The following SEZ6L variants were observed in gnomAD, a reference collection of about 807,000 sequenced individuals.
SEZ6L encodes seizure 6-like protein.
In SEZ6L, 37 loss-of-function variants were observed where a neutral mutation model predicts 106.2. The ratio of observed to expected loss-of-function variants is 0.35; its 90% CI spans 0.27 to 0.46. SEZ6L has a LOEUF of 0.46. SEZ6L is among the 20% of genes least tolerant of loss of function. The probability of loss-of-function intolerance (pLI) is 1.00; values close to 1 mark genes in which losing one functional copy is unlikely to be tolerated. For synonymous variants in SEZ6L, 541 were observed against 570.4 expected, an observed-to-expected ratio of 0.95 and a Z score of 0.73; for missense variants, 1,172 against 1,332.8, an observed-to-expected ratio of 0.88 and a Z score of 1.88.
At chr22:26,327,375 A>T (rs2082344583) in intron 9 of SEZ6L, among the ~76,000 whole-genome samples, 1 of 145,348 alleles carries the variant, frequency 6.9e-6, no homozygotes, top group African/African-American at 2.6e-5. Flanking sequence ...ACACCACATG[A>T]CACTACACAC....
At chr22:26,304,430 A>AAGAAAGAAAGAAAAAG (rs769423765) in intron 5 of SEZ6L, among the ~76,000 whole-genome samples, 19 of 148,558 alleles carry the variant, frequency 1.3e-4, no homozygotes, top group African/African-American at 4.5e-4. Context: ...GAAAGAAAGA[A>AAGAAAGAAAGAAAAAG]AAAGAAAGGA....
intron 1 of SEZ6L, among the ~76,000 whole-genome samples, chr22:26,233,514 A>G (rs2078864667): frequency 6.6e-6 from 1 of 152,198 alleles, no homozygotes; most frequent in Non-Finnish European, 1.5e-5. Flanking sequence ...AGGGAAGTCT[A>G]TTACGCTCAT....
At chr22:26,375,410 C>T (rs555969074) in intron 14 of SEZ6L, among the ~76,000 whole-genome samples, 165 bp from the exon 15 acceptor site, 1 of 152,226 alleles carries the variant, frequency 6.6e-6, no homozygotes, top group East Asian at 1.9e-4. Flanking sequence ...AAAGGACCAC[C>T]ACCATTTCCT....
Position 26,292,552 on chromosome 22 carries a change from G to A in SEZ6L, c.241G>A (p.Gly81Ser). ...PSSSQSAEVL[G>S]ELVLDGTAPS... ...TTCCTCACAGTCGGCGGAAGTGCTG[G>A]GCGAGCTGGTGCTGGATGGGACCGC... Residue 81 changes from glycine (G) to serine (S), a missense_variant, in exon 2 of 17, where the codon GGC becomes AGC. Physicochemically the swap from Gly to Ser is moderately conservative, Grantham distance 56. Transcript: ENST00000248933. The A allele has an allele frequency of 6.2e-7, 1 of 1,613,856 alleles. No individual in the cohort carries two copies.
intron 1 of SEZ6L, among the ~76,000 whole-genome samples, chr22:26,253,318 A>G (rs1330083653): frequency 6.6e-6 from 1 of 152,110 alleles, no homozygotes; most frequent in Non-Finnish European, 1.5e-5. Flanking sequence ...TAAAATGTGT[A>G]TGTTCCCCTG....
intron 1 of SEZ6L, among the ~76,000 whole-genome samples, chr22:26,236,895 C>G (rs550063347): frequency 6.6e-6 from 1 of 152,152 alleles, no homozygotes; most frequent in Non-Finnish European, 1.5e-5. Flanking sequence ...CCATACACAA[C>G]AGTCCCCCTA....
intron 1 of SEZ6L, among the ~76,000 whole-genome samples, chr22:26,257,981 G>A (rs1001806469): frequency 6.6e-6 from 1 of 152,062 alleles, no homozygotes; most frequent in Non-Finnish European, 1.5e-5. Flanking sequence ...ACTCTGGCCC[G>A]CTTTATCTGC....
intron 1 of SEZ6L, among the ~76,000 whole-genome samples, chr22:26,188,183 C>G (rs1000678458): frequency 6.6e-6 from 1 of 152,218 alleles, no homozygotes; most frequent in African/African-American, 2.4e-5. Flanking sequence ...CCTGTCTCAG[C>G]TGAGTTAGGG....
intron 1 of SEZ6L, among the ~76,000 whole-genome samples, chr22:26,274,345 T>A (rs1377864597): frequency 6.6e-6 from 1 of 151,768 alleles, no homozygotes; most frequent in Non-Finnish European, 1.5e-5. Flanking sequence ...ACCTTGGATA[T>A]AGGACCTTGA....
intron 1 of SEZ6L, among the ~76,000 whole-genome samples, chr22:26,265,195 G>A (rs1267886908): frequency 2.0e-5 from 3 of 152,146 alleles, no homozygotes; most frequent in Non-Finnish European, 4.4e-5. Flanking sequence ...GGATGGCATA[G>A]CTGGGGCAAG....
At chr22:26,248,232 A>G (rs1297787085) in intron 1 of SEZ6L, among the ~76,000 whole-genome samples, 1 of 152,220 alleles carries the variant, frequency 6.6e-6, no homozygotes, top group East Asian at 1.9e-4. Flanking sequence ...TACCTCCTTA[A>G]GCCACAATGT....
At chr22:26,176,524 C>T (rs1281087070) in intron 1 of SEZ6L, among the ~76,000 whole-genome samples, 1 of 152,200 alleles carries the variant, frequency 6.6e-6, no homozygotes, top group Non-Finnish European at 1.5e-5. Context: ...CATGCTATTC[C>T]TGCAGCCTGG....
intron 1 of SEZ6L, among the ~76,000 whole-genome samples, chr22:26,252,040 G>GCAGCAT (rs1569421298): frequency 6.6e-6 from 1 of 152,158 alleles, no homozygotes. Context: ...GGCGGCAGCA[G>GCAGCAT]CAGCATCAGC....
intron 9 of SEZ6L, among the ~76,000 whole-genome samples, chr22:26,317,368 A>G (rs1276455824): frequency 6.6e-6 from 1 of 151,832 alleles, no homozygotes; most frequent in Non-Finnish European, 1.5e-5. Flanking sequence ...CTCTGGCAGA[A>G]GATCCCACCC....
rs144766472 is a variant in SEZ6L at position 26,292,655 on chromosome 22, C to A, written c.344C>A (p.Pro115His). 3 of 1,613,300 alleles carry A rather than the reference C, an allele frequency of 1.9e-6. No individual in the cohort carries two copies. The highest frequency in any genetic ancestry group is 1.7e-4 in the Middle Eastern group (1 of 6,060). Residue 115 changes from proline to histidine, a missense_variant, in exon 2 of 17, where the codon CCC (proline) becomes CAC (histidine). Physicochemically the swap from Pro to His is moderately conservative, Grantham distance 77. This residue lies in a region of SEZ6L where 494 missense variants were observed against 445.8 expected (regional missense o/e 1.11). Transcript: ENST00000248933. ...GCCCGCCCCAAGCACGCCTTGCCCC[C>A]CAAGAAGAAACTGCCTTCGCTCAAG... Reference protein sequence around the residue: ...EEARPKHALPPKKKLPSLKQV... With the variant: ...EEARPKHALPHKKKLPSLKQV...
At chr22:26,302,638 TTTTC>T (rs1439983528) in intron 5 of SEZ6L, among the ~76,000 whole-genome samples, 3 of 152,200 alleles carry the variant, frequency 2.0e-5, no homozygotes, top group African/African-American at 4.8e-5. Flanking sequence ...CCTTCAGAAT[TTTTC>T]TTTCTTTTTT....
At chr22:26,267,552 G>A (rs569515656) in intron 1 of SEZ6L, among the ~76,000 whole-genome samples, 1 of 152,310 alleles carries the variant, frequency 6.6e-6, no homozygotes, top group South Asian at 2.1e-4. Context: ...GAGTAGGGGG[G>A]AAATTCATTA....
intron 1 of SEZ6L, among the ~76,000 whole-genome samples, chr22:26,215,689 C>G (rs1428728775): frequency 6.6e-6 from 1 of 152,136 alleles, no homozygotes; most frequent in South Asian, 2.1e-4. Context: ...AAGAATTCCC[C>G]AGGCCTTCAT....
At chr22:26,348,646 A>AAG (rs1556371589) in intron 11 of SEZ6L, among the ~76,000 whole-genome samples, 333 of 7,574 alleles carry the variant, frequency 0.044, 7 homozygotes, top group South Asian at 0.12. Context: ...GAAAGAAAGA[A>AAG]AAAGAAAGAA....
Sources: allele counts gnomAD v4.1 joint callset (sites outside exome capture counted in the v4.1 genomes callset), GRCh38; gene constraint gnomAD v4.1.1; regional missense constraint gnomAD v4.1.1; transcripts MANE v1.5; gene names NCBI Gene and HGNC (gene_info 2026-07-23, HGNC 2026-07-21).